Variants in CMIP observed in about 807,000 individuals in gnomAD.
CMIP encodes C-Maf-inducing protein.
In CMIP, 13 loss-of-function variants were observed where a neutral mutation model predicts 97.3. The observed-to-expected ratio is 0.13, with a 90% CI of 0.09 to 0.21. The LOEUF (loss-of-function observed/expected upper bound fraction) is 0.21. CMIP is among the 10% of genes least tolerant of loss of function. The probability of loss-of-function intolerance (pLI) is 1.00; values close to 1 mark genes in which losing one functional copy is unlikely to be tolerated. For missense variants in CMIP, 847 were observed against 1,024.9 expected, an observed-to-expected ratio of 0.83 and a Z score of 2.37; for synonymous variants, 538 against 436.3, an observed-to-expected ratio of 1.23 and a Z score of -2.91.
At chr16:81,584,523 G>A (rs1254433041) in intron 1 of CMIP, among the ~76,000 whole-genome samples, 1 of 152,162 alleles carries the variant, frequency 6.6e-6, no homozygotes, top group Non-Finnish European at 1.5e-5. Context: ...GAATGACCCT[G>A]TTTTTACCTC....
intron 11 of CMIP, among the ~76,000 whole-genome samples, chr16:81,692,524 G>T (rs757504685): frequency 6.6e-6 from 1 of 152,230 alleles, no homozygotes; most frequent in South Asian, 2.1e-4. Context: ...GGCAGCTGGG[G>T]CTCTCGAAGG....
At chr16:81,537,546 C>CAAAAAAAAAAAA (rs397695977) in intron 1 of CMIP, among the ~76,000 whole-genome samples, 221 of 82,034 alleles carry the variant, frequency 2.7e-3, no homozygotes, top group Middle Eastern at 0.011. Flanking sequence ...AAAAAAAAGA[C>CAAAAAAAAAAAA]AAAAAAAAAA....
At chr16:81,584,689 C>T (rs1174574217) in intron 1 of CMIP, among the ~76,000 whole-genome samples, 2 of 152,158 alleles carry the variant, frequency 1.3e-5, no homozygotes, top group Non-Finnish European at 2.9e-5. Context: ...ACTAGCCCGG[C>T]GCCGTCCATC....
Position 81,696,676 on chromosome 16 carries a change from T to C in CMIP, c.1638+9T>C. On this transcript the variant is annotated intron_variant, in intron 14 of 20. Transcript: ENST00000537098. Reference sequence around the variant, plus strand: ...AGCTGTTCGCCAGCATGGTACGCAGTGGGACCCCAGTGGGGTGACTTCCAG... The same window carrying C: ...AGCTGTTCGCCAGCATGGTACGCAGCGGGACCCCAGTGGGGTGACTTCCAG... 1 of 1,603,576 alleles carries C rather than the reference T, an allele frequency of 6.2e-7. No homozygotes were observed.
At chr16:81,635,701 A>C (rs2092225268) in intron 3 of CMIP, among the ~76,000 whole-genome samples, 1 of 152,210 alleles carries the variant, frequency 6.6e-6, no homozygotes, top group Non-Finnish European at 1.5e-5. Context: ...GATAGACGTC[A>C]AGCGTCTGCA....
At chr16:81,560,797 T>G (rs1234297504) in intron 1 of CMIP, among the ~76,000 whole-genome samples, 1 of 152,254 alleles carries the variant, frequency 6.6e-6, no homozygotes, top group Non-Finnish European at 1.5e-5. Context: ...ACCTACAGTA[T>G]TCAGGACAAT....
chr16:81,535,036 T>G (rs868427073), intron 1 of CMIP, among the ~76,000 whole-genome samples: 4 of 152,142 alleles, frequency 2.6e-5, no homozygotes, highest in Non-Finnish European at 4.4e-5. Context: ...CTCTAAGCTC[T>G]GCCTCCCGGG....
intron 1 of CMIP, among the ~76,000 whole-genome samples, chr16:81,565,502 G>A (rs1419059131): frequency 6.6e-6 from 1 of 152,196 alleles, no homozygotes; most frequent in Non-Finnish European, 1.5e-5. Flanking sequence ...AGCATTGCCA[G>A]GGAGACCATC....
chr16:81,491,551 A>C (rs1288559751), intron 1 of CMIP, among the ~76,000 whole-genome samples: 1 of 152,216 alleles, frequency 6.6e-6, no homozygotes. Context: ...AATTTAAAAG[A>C]AGACGAAAAA....
At chr16:81,483,008 G>A (rs1043100341) in intron 1 of CMIP, among the ~76,000 whole-genome samples, 2 of 152,254 alleles carry the variant, frequency 1.3e-5, no homozygotes, top group African/African-American at 4.8e-5. Context: ...CCTACTTGGA[G>A]CCCCCATTCT....
intron 1 of CMIP, among the ~76,000 whole-genome samples, chr16:81,517,146 G>A (rs1484004165): frequency 6.6e-6 from 1 of 152,070 alleles, no homozygotes; most frequent in Non-Finnish European, 1.5e-5. Context: ...CGGCCTCCAA[G>A]GTCATCGGTG....
intron 1 of CMIP, among the ~76,000 whole-genome samples, chr16:81,569,305 CTG>C (rs2091040904): frequency 2.0e-5 from 3 of 152,222 alleles, no homozygotes; most frequent in African/African-American, 7.2e-5. Flanking sequence ...GAGGCAAAAA[CTG>C]AGGCGCAGAA....
chr16:81,701,587 C>G, intron 15 of CMIP, 73 bp from the exon 16 acceptor site: 2 of 1,606,542 alleles, frequency 1.2e-6, no homozygotes, highest in Non-Finnish European at 1.7e-6. Flanking sequence ...AAACAAGGCC[C>G]TTGGGGTGCA....
At chr16:81,689,186 C>T (rs1406805959) in intron 10 of CMIP, among the ~76,000 whole-genome samples, 1 of 152,342 alleles carries the variant, frequency 6.6e-6, no homozygotes, top group Middle Eastern at 3.4e-3. Flanking sequence ...AATGGGATGG[C>T]TGGGTCAAAT....
Position 81,710,625 on chromosome 16 carries a change from T to A in CMIP, c.*826T>A, listed in dbSNP as rs1908661998. ...TAATGCTCTCTCGTCTGTCTGTCTG[T>A]CTGCCCACTCCCCCACCCACCACTG... On this transcript the variant is annotated 3_prime_UTR_variant, in exon 21 of 21. Coordinates refer to ENST00000537098, the MANE Select transcript of CMIP (RefSeq NM_198390.3). 1 of 152,282 alleles carries A rather than the reference T, an allele frequency of 6.6e-6. No homozygotes were observed. Among genetic ancestry groups the A allele is most frequent in the Non-Finnish European group, 1.5e-5 (1 of 68,030 alleles). 9.4% of individuals were successfully genotyped at this position (152,282 alleles called of 1,614,324 possible).
chr16:81,488,716 T>C (rs1045647168), intron 1 of CMIP, among the ~76,000 whole-genome samples: 1 of 152,146 alleles, frequency 6.6e-6, no homozygotes, highest in Non-Finnish European at 1.5e-5. Context: ...AGGAGAGCCT[T>C]GGGAGGGCAC....
intron 3 of CMIP, among the ~76,000 whole-genome samples, chr16:81,638,699 T>TG (rs2092267128): frequency 6.6e-6 from 1 of 151,930 alleles, no homozygotes; most frequent in South Asian, 2.1e-4. Flanking sequence ...CTGTTCAAAA[T>TG]CTTAACTTAA....
At chr16:81,471,459 TACAC>T (rs929566703) in intron 1 of CMIP, among the ~76,000 whole-genome samples, 1 of 152,060 alleles carries the variant, frequency 6.6e-6, no homozygotes, top group African/African-American at 2.4e-5. Flanking sequence ...TATGTACACA[TACAC>T]ATGTATGCAG....
chr16:81,680,792 G>T (rs1339565201), intron 10 of CMIP, among the ~76,000 whole-genome samples: 2 of 152,232 alleles, frequency 1.3e-5, no homozygotes, highest in Non-Finnish European at 2.9e-5. Context: ...GAAGCCTCCA[G>T]GCCAGAGAGT....
Sources: allele counts gnomAD v4.1 joint callset (sites outside exome capture counted in the v4.1 genomes callset), GRCh38; gene constraint gnomAD v4.1.1; transcripts MANE v1.5; gene names NCBI Gene and HGNC (gene_info 2026-07-23, HGNC 2026-07-21).